ERMP1: variants seen among roughly 807,000 people sequenced by gnomAD.
ERMP1 encodes Felix-ina.
Under a neutral mutation model 92.0 loss-of-function variants are expected in ERMP1, and 86 were observed. That is an observed-to-expected ratio of 0.93 (90% CI 0.79 to 1.12). The LOEUF (loss-of-function observed/expected upper bound fraction) is 1.12. ERMP1 is among the 50% of genes most tolerant of loss of function. The pLI, the probability that ERMP1 is intolerant of heterozygous loss-of-function variation, is 0.00. For missense variants in ERMP1, 1,342 were observed against 1,116.3 expected, an observed-to-expected ratio of 1.20 and a Z score of -2.88; for synonymous variants, 530 against 412.8, an observed-to-expected ratio of 1.28 and a Z score of -3.44.
Position 5,806,883 on chromosome 9 carries a change from G to C in ERMP1, c.1549-1098C>G, listed in dbSNP as rs966821716. Among the ~76,000 whole-genome samples, 142 of 152,270 alleles carry C rather than the reference G, an allele frequency of 9.3e-4. 1 individual carries two copies. The highest frequency in any genetic ancestry group is 3.3e-3 in the African/African-American group (137 of 41,554). On this transcript the variant is annotated intron_variant, in intron 8 of 14. Transcript: ENST00000339450. ...TTTCTCCTTCTTCAAGGGCTCAAGA[G>C]TTTCTGTGACGTGTTTTCAAAACAA... is the stretch of plus-strand genomic sequence containing the variant.
intron 2 of ERMP1, among the ~76,000 whole-genome samples, chr9:5,827,576 C>T (rs753046903): frequency 1.9e-4 from 29 of 152,076 alleles, no homozygotes; most frequent in Non-Finnish European, 2.9e-4. Flanking sequence ...AAAGTAGGTT[C>T]TAGGGCCAGG....
At chr9:5,839,194 T>C (rs1830127917) in intron 6 of ERMP1, among the ~76,000 whole-genome samples, 1 of 152,256 alleles carries the variant, frequency 6.6e-6, no homozygotes, top group African/African-American at 2.4e-5. Flanking sequence ...CAGTAATTAA[T>C]CAATTGCTGA....
intron 11 of ERMP1, 118 bp from the exon 12 acceptor site, chr9:5,799,126 A>AT: frequency 1.5e-6 from 1 of 665,074 alleles, no homozygotes; most frequent in South Asian, 1.9e-5. Context: ...GAGCAAGTGA[A>AT]TAAGACACTG....
intron 6 of ERMP1, among the ~76,000 whole-genome samples, chr9:5,850,447 G>C (rs1164458727): frequency 8.6e-6 from 1 of 115,664 alleles, no homozygotes; most frequent in Non-Finnish European, 1.9e-5. Context: ...AAGAAAAAAA[G>C]AAATAGAAAA....
intron 7 of ERMP1, among the ~76,000 whole-genome samples, 148 bp downstream of exon 7, chr9:5,810,958 ATTAAT>A (rs1275910419): frequency 6.6e-6 from 1 of 152,250 alleles, no homozygotes; most frequent in African/African-American, 2.4e-5. Context: ...AAATAAGCAT[ATTAAT>A]TTAATATTTA....
At chr9:5,848,574 A>C (rs892852824) in intron 6 of ERMP1, among the ~76,000 whole-genome samples, 4 of 152,152 alleles carry the variant, frequency 2.6e-5, no homozygotes, top group African/African-American at 9.7e-5. Context: ...TTTGTCAATA[A>C]TTCATTTACA....
At chr9:5,855,848 A>G (rs1830367080) in intron 6 of ERMP1, 1 of 183,842 alleles carries the variant, frequency 5.4e-6, no homozygotes, top group Non-Finnish European at 1.2e-5. Context: ...GCCAGATTTT[A>G]TCAGTCTCCA....
chr9:5,812,076 C>A (rs757112373), intron 6 of ERMP1, 49 bp downstream of exon 6: 4 of 1,161,012 alleles, frequency 3.4e-6, no homozygotes, highest in Admixed American at 3.9e-5. Flanking sequence ...TGTATCATCC[C>A]TAACATTCCA....
chr9:5,837,222 C>G (rs1563777418), upstream of ERMP1, among the ~76,000 whole-genome samples: 1 of 152,090 alleles, frequency 6.6e-6, no homozygotes, highest in Non-Finnish European at 1.5e-5. Context: ...TGACCTCAAG[C>G]AATACTGCTG....
chr9:5,836,946 G>T (rs949399913), upstream of ERMP1, among the ~76,000 whole-genome samples: 4 of 152,096 alleles, frequency 2.6e-5, no homozygotes, highest in African/African-American at 9.7e-5. Context: ...CTCAAATTCT[G>T]GGCTGGTCCC....
At chr9:5,830,666 T>C in intron 2 of ERMP1, 61 bp downstream of exon 2, 3 of 1,391,152 alleles carry the variant, frequency 2.2e-6, no homozygotes, top group Non-Finnish European at 3.0e-6. Context: ...TAGCTTGGGG[T>C]TATGTTAATA....
chr9:5,795,623 C>A (rs1828392483), intron 13 of ERMP1, among the ~76,000 whole-genome samples: 1 of 151,840 alleles, frequency 6.6e-6, no homozygotes, highest in Middle Eastern at 3.2e-3. Flanking sequence ...ACTAAAATTA[C>A]AAAAATTAGC....
intron 5 of ERMP1, among the ~76,000 whole-genome samples, chr9:5,861,181 G>GTGTGTGTGTGTGTA (rs1830480063): frequency 7.3e-6 from 1 of 137,498 alleles, no homozygotes; most frequent in African/African-American, 2.7e-5. Context: ...GTGTGTGTGT[G>GTGTGTGTGTGTGTA]TGTGTGTGTG....
At chr9:5,824,235 C>A (rs983281223) in intron 3 of ERMP1, among the ~76,000 whole-genome samples, 1 of 152,176 alleles carries the variant, frequency 6.6e-6, no homozygotes. Context: ...TGACCATCAG[C>A]GGTGCCAAAC....
intron 2 of ERMP1, 67 bp downstream of exon 2, chr9:5,830,660 T>G (rs1204894427): frequency 3.0e-6 from 4 of 1,339,260 alleles, no homozygotes; most frequent in Non-Finnish European, 3.1e-6. Flanking sequence ...CCCAAGTAGC[T>G]TGGGGTTATG....
chr9:5,862,233 T>G (rs1298879453), intron 5 of ERMP1, among the ~76,000 whole-genome samples: 1 of 151,750 alleles, frequency 6.6e-6, no homozygotes, highest in African/African-American at 2.4e-5. Context: ...GATCCCCCTA[T>G]GTTGTCCAGG....
chr9:5,799,776 C>T (rs940919973), intron 11 of ERMP1, among the ~76,000 whole-genome samples: 2 of 152,174 alleles, frequency 1.3e-5, no homozygotes, highest in East Asian at 1.9e-4. Flanking sequence ...AGAGAACCCC[C>T]AAACAAATCA....
At position 5,830,792 on chromosome 9, in the gene ERMP1, G is replaced by A. The variant is rs758305961; in HGVS notation, c.575C>T (p.Pro192Leu). 2 of 1,614,102 alleles carry A rather than the reference G, an allele frequency of 1.2e-6. No individual in the cohort carries two copies. The highest frequency in any genetic ancestry group is 1.1e-5 in the South Asian group (1 of 91,062). The part of the protein sequence containing the change: ...NITNVVVKLE[P>L]RDGAQHAVLA... ...GACAGCATGCTGGGCTCCATCTCTG[G>A]GTTCCAGCTTTACCACAACATTGGT... The change falls in exon 2 of 15, where the codon CCC becomes CTC. Residue 192 changes from proline to leucine, a missense_variant. Pro to Leu is a moderately conservative substitution (Grantham distance 98). Coordinates refer to ENST00000339450, the MANE Select transcript of ERMP1 (RefSeq NM_024896.3).
chr9:5,830,044 T>C (rs1829879784), intron 2 of ERMP1, among the ~76,000 whole-genome samples: 1 of 152,232 alleles, frequency 6.6e-6, no homozygotes, highest in South Asian at 2.1e-4. Context: ...ATTAATTAGG[T>C]ACTTTAACAG....
Sources: allele counts gnomAD v4.1 joint callset (sites outside exome capture counted in the v4.1 genomes callset), GRCh38; gene constraint gnomAD v4.1.1; transcripts MANE v1.5; gene names NCBI Gene and HGNC (gene_info 2026-07-23, HGNC 2026-07-21).